Variants in ITGA8 observed in about 807,000 individuals in gnomAD.
ITGA8 encodes the protein integrin subunit alpha 8.
In ITGA8, 91 loss-of-function variants were observed where a neutral mutation model predicts 142.3. The observed-to-expected ratio is 0.64, with a 90% CI of 0.54 to 0.76. The LOEUF is 0.76. Among genes scored for constraint, ITGA8 ranks in the 30% least tolerant of loss-of-function variants. The pLI is 0.00. For synonymous variants in ITGA8, 505 were observed against 485.2 expected, an observed-to-expected ratio of 1.04 and a Z score of -0.54; for missense variants, 1,406 against 1,327.7, an observed-to-expected ratio of 1.06 and a Z score of -0.92.
chr10:15,705,783 C>A (rs919838777), intron 2 of ITGA8, among the ~76,000 whole-genome samples: 3 of 152,204 alleles, frequency 2.0e-5, no homozygotes, highest in East Asian at 3.8e-4. Flanking sequence ...TTTCCATCCT[C>A]ATTTCACTTC....
chr10:15,561,209 C>CTATATATATATATATATATATATATGTA, intron 25 of ITGA8, among the ~76,000 whole-genome samples: 1 of 116,962 alleles, frequency 8.5e-6, no homozygotes, highest in African/African-American at 3.7e-5. Flanking sequence ...TATCTGTTGG[C>CTATATATATATATATATATATATATGTA]TATATATATA....
At chr10:15,528,113 G>T (rs2131539148) in intron 28 of ITGA8, among the ~76,000 whole-genome samples, 1 of 151,766 alleles carries the variant, frequency 6.6e-6, no homozygotes, top group East Asian at 1.9e-4. Flanking sequence ...TTGTTTGTTT[G>T]TTTGTAGAGG....
intron 10 of ITGA8, among the ~76,000 whole-genome samples, chr10:15,656,454 C>T (rs949572938): frequency 4.6e-5 from 7 of 152,016 alleles, no homozygotes; most frequent in Non-Finnish European, 8.8e-5. Flanking sequence ...ACCTCCACCT[C>T]CTGGATTCAG....
At chr10:15,534,980 G>C (rs796735430) in intron 27 of ITGA8, among the ~76,000 whole-genome samples, 35 of 152,198 alleles carry the variant, frequency 2.3e-4, no homozygotes, top group African/African-American at 7.0e-4. Context: ...GAGAGGCACG[G>C]GGGGAGAGGC....
intron 8 of ITGA8, among the ~76,000 whole-genome samples, chr10:15,662,300 A>G (rs912262252): frequency 1.3e-5 from 2 of 149,916 alleles, no homozygotes; most frequent in African/African-American, 4.9e-5. Context: ...CTTTTCAATA[A>G]CTCAAGGTGA....
chr10:15,716,539 G>A (rs1022714160), intron 2 of ITGA8, among the ~76,000 whole-genome samples: 4 of 152,146 alleles, frequency 2.6e-5, no homozygotes, highest in African/African-American at 9.7e-5. Context: ...GCTACAATAA[G>A]GGTTAAATGC....
At position 15,683,041 on chromosome 10, in the gene ITGA8, A is replaced by G. The variant is rs191399780; in HGVS notation, c.568+963T>C. 2.0e-5 allele frequency among the ~76,000 whole-genome samples: 3 copies of G among 152,224 alleles called. No individual in the cohort carries two copies. The East Asian group carries it at 5.8e-4, about 29-fold the overall frequency. On this transcript the variant is annotated intron_variant, in intron 4 of 29. Coordinates refer to ENST00000378076, the MANE Select transcript of ITGA8 (RefSeq NM_003638.3). ...CACTCAGGCAAAAGGGGGAAAATTT[A>G]CATTTTAGAGCTCAAGCTAATTTGG... is the stretch of plus-strand genomic sequence containing the variant.
intron 21 of ITGA8, among the ~76,000 whole-genome samples, chr10:15,595,569 A>AC (rs1437418785): frequency 6.6e-6 from 1 of 152,206 alleles, no homozygotes; most frequent in African/African-American, 2.4e-5. Flanking sequence ...TGTGATTAAG[A>AC]CCACACTGCC....
intron 26 of ITGA8, among the ~76,000 whole-genome samples, chr10:15,557,667 C>G (rs535028064): frequency 3.3e-5 from 5 of 152,290 alleles, no homozygotes; most frequent in Non-Finnish European, 5.9e-5. Flanking sequence ...ACACACCATT[C>G]TTGCCTCTTC....
At chr10:15,563,970 G>A (rs531098829) in intron 25 of ITGA8, among the ~76,000 whole-genome samples, 4 of 151,946 alleles carry the variant, frequency 2.6e-5, no homozygotes, top group African/African-American at 7.2e-5. Context: ...TTTAACTTCC[G>A]GTGTGGTTTC....
rs748377171 is a variant in ITGA8, at chr10:15,646,913, G to C, written c.1140C>G (p.Thr380=). ...CACTACCGAATCTCCCAAACGTCTC[G>C]GTGCCAGTGAGGATCTGGGGGTCTC... is the stretch of plus-strand genomic sequence containing the variant. ...LFRDPQILTG[T]ETFGRFGSAM... is the part of the protein sequence containing the mutation. Residue 380 remains threonine, a synonymous_variant, in exon 12 of 30, where the codon ACC becomes ACG. Coordinates refer to ENST00000378076, the MANE Select transcript of ITGA8 (RefSeq NM_003638.3). 6.8e-6 allele frequency: 11 copies of C among 1,613,984 alleles called. No individual in the cohort carries two copies. The highest frequency in any genetic ancestry group is 1.7e-5 in the Admixed American group (1 of 59,998).
chr10:15,564,890 G>A (rs1207405358), intron 25 of ITGA8, among the ~76,000 whole-genome samples: 1 of 152,242 alleles, frequency 6.6e-6, no homozygotes, highest in African/African-American at 2.4e-5. Flanking sequence ...CTGGGGGGCA[G>A]TCCACCATGT....
chr10:15,710,376 A>G, intron 2 of ITGA8, among the ~76,000 whole-genome samples: 1 of 152,302 alleles, frequency 6.6e-6, no homozygotes, highest in Non-Finnish European at 1.5e-5. Context: ...ACTACCCACA[A>G]ATAGGCTGTT....
In ITGA8 at chr10:15,551,700, A is replaced by T. The variant is rs80018622; in HGVS notation, c.2767-3132T>A. Among the ~76,000 whole-genome samples the T allele has an allele frequency of 2.2e-3, 339 of 152,356 alleles. 3 individuals are homozygous for T. Among genetic ancestry groups the T allele is most frequent in the African/African-American group, 7.7e-3 (319 of 41,594 alleles). On this transcript the variant is annotated intron_variant, in intron 26 of 29. Transcript: ENST00000378076. ...GGCATTTTGCACTTTCAAATTCCTC[A>T]TCAGAAATGGGATTCAGTAAGTTGT... is the stretch of plus-strand genomic sequence containing the variant.
At chr10:15,685,555 T>A (rs1343705912) in intron 3 of ITGA8, among the ~76,000 whole-genome samples, 1 of 152,248 alleles carries the variant, frequency 6.6e-6, no homozygotes, top group Non-Finnish European at 1.5e-5. Context: ...CAATACCAAA[T>A]GATTATGCAT....
intron 13 of ITGA8, among the ~76,000 whole-genome samples, chr10:15,636,808 A>T (rs1833779397): frequency 6.6e-6 from 1 of 152,188 alleles, no homozygotes; most frequent in South Asian, 2.1e-4. Flanking sequence ...GCAGCGAGGG[A>T]GCAGCGTGTT....
Position 15,687,946 on chromosome 10 carries a change from T to C in ITGA8, c.436A>G (p.Lys146Glu). 1 of 1,608,190 alleles carries C rather than the reference T, an allele frequency of 6.2e-7. No individual in the cohort carries two copies. The highest frequency in any genetic ancestry group is 1.1e-5 in the South Asian group (1 of 90,958). Residue 146 changes from lysine to glutamate, a missense_variant, in exon 3 of 30, where the codon AAA becomes GAA. Transcript: ENST00000378076. Reference sequence around the variant, plus strand: ...CCACGGCTCATACTCACCACAACTTTTCCTTTGTGAGCTTTCACTGTTGCT... The same window carrying C: ...CCACGGCTCATACTCACCACAACTTCTCCTTTGTGAGCTTTCACTGTTGCT... ...FGATVKAHKG[K>E]VVACAPLYHW...
intron 4 of ITGA8, among the ~76,000 whole-genome samples, chr10:15,679,306 C>T (rs1834691975): frequency 6.6e-6 from 1 of 152,116 alleles, no homozygotes; most frequent in Non-Finnish European, 1.5e-5. Context: ...CTATTATGGC[C>T]AGTTGTGGTG....
chr10:15,676,315 C>T (rs1205736126), intron 6 of ITGA8, among the ~76,000 whole-genome samples: 1 of 152,178 alleles, frequency 6.6e-6, no homozygotes, highest in Non-Finnish European at 1.5e-5. Context: ...AATTAGAAGA[C>T]GTAATTTCCT....
Sources: gnomAD v4.1 joint callset for allele counts (sites outside exome capture counted in the v4.1 genomes callset) on GRCh38, gnomAD v4.1.1 for gene constraint, MANE v1.5 for transcripts, NCBI Gene and HGNC (gene_info 2026-07-23, HGNC 2026-07-21) for gene names.